The following FBN1 variants were observed in gnomAD, a reference collection of about 807,000 sequenced individuals.
The protein encoded by FBN1 is fibrillin-1.
FBN1 carries 29 observed loss-of-function variants against 365.1 expected under a neutral mutation model. The observed-to-expected ratio is 0.08, with a 90% CI of 0.06 to 0.11. FBN1 has a LOEUF of 0.11. Among genes scored for constraint, FBN1 ranks in the 10% least tolerant of loss-of-function variants. The pLI is 1.00. For synonymous variants in FBN1, 1,210 were observed against 1,270.5 expected (o/e 0.95, Z 1.01); for missense variants, 2,476 against 3,703.2 (o/e 0.67, Z 8.60).
intron 2 of FBN1, chr15:48,643,656 G>T (rs74014662): frequency 0.056 from 8,565 of 152,132 alleles, 528 homozygotes; most frequent in East Asian, 0.29. Flanking sequence ...GCATCAGCGA[G>T]AATGGTAAGA....
intron 4 of FBN1, among the ~76,000 whole-genome samples, chr15:48,603,116 G>T (rs572200741): frequency 1.3e-5 from 2 of 152,112 alleles, no homozygotes; most frequent in African/African-American, 4.8e-5. Flanking sequence ...GGCAAGAATG[G>T]TAAGTTTACA....
chr15:48,410,760 A>G lies in FBN1; in HGVS notation c.*230T>C. On this transcript the variant is annotated 3_prime_UTR_variant, in exon 66 of 66. Coordinates refer to ENST00000316623, the MANE Select transcript of FBN1 (RefSeq NM_000138.5). Reference sequence around the variant, plus strand: ...CGTCCCAGTTTTCAAGAATCAACACATATGACAAGGTAGCTTAGCTACACA... The same window carrying G: ...CGTCCCAGTTTTCAAGAATCAACACGTATGACAAGGTAGCTTAGCTACACA... The G allele has an allele frequency of 1.9e-6, 1 of 523,036 alleles. No homozygotes were observed. Among genetic ancestry groups the G allele is most frequent in the Non-Finnish European group, 3.3e-6 (1 of 298,556 alleles). The allele number at this position is 523,036 out of a possible 1,614,324, so 32.4% of individuals were successfully genotyped here. A position where few individuals can be genotyped will look rare whatever the true frequency, so the allele number is the denominator to read the frequency against.
intron 2 of FBN1, among the ~76,000 whole-genome samples, chr15:48,625,808 C>G (rs1889864742): frequency 6.6e-6 from 1 of 152,158 alleles, no homozygotes; most frequent in African/African-American, 2.4e-5. Flanking sequence ...AGAATTTCAC[C>G]TCTCCTAAAA....
intron 6 of FBN1, among the ~76,000 whole-genome samples, chr15:48,585,883 T>G (rs1413461522): frequency 6.6e-6 from 1 of 152,194 alleles, no homozygotes; most frequent in African/African-American, 2.4e-5. Flanking sequence ...ATAGATGATT[T>G]ATGTTTCACT....
chr15:48,491,762 C>T (rs2043560686), intron 24 of FBN1, among the ~76,000 whole-genome samples: 1 of 152,212 alleles, frequency 6.6e-6, no homozygotes, highest in African/African-American at 2.4e-5. Flanking sequence ...ACTCAGAAAC[C>T]AGTGATCCAA....
At chr15:48,631,367 C>T (rs1307416123) in intron 2 of FBN1, among the ~76,000 whole-genome samples, 5 of 152,164 alleles carry the variant, frequency 3.3e-5, no homozygotes, top group African/African-American at 1.2e-4. Flanking sequence ...TCCCCAATCA[C>T]GCAAGCAAGG....
chr15:48,490,725 G>A (rs1232736892), intron 24 of FBN1, among the ~76,000 whole-genome samples: 1 of 152,224 alleles, frequency 6.6e-6, no homozygotes, highest in East Asian at 1.9e-4. Context: ...ATAAAGAAGA[G>A]CAGAAAGCCT....
At chr15:48,541,416 G>T (rs2044056918) in intron 6 of FBN1, among the ~76,000 whole-genome samples, 1 of 152,178 alleles carries the variant, frequency 6.6e-6, no homozygotes, top group Admixed American at 6.5e-5. Flanking sequence ...AAATGTATTT[G>T]TAGATCCATA....
intron 17 of FBN1, among the ~76,000 whole-genome samples, chr15:48,500,150 A>G (rs1022590497): frequency 1.2e-3 from 183 of 152,244 alleles, no homozygotes; most frequent in South Asian, 8.3e-4. Flanking sequence ...AGGTGTGGGA[A>G]CAAAAAGAAA....
chr15:48,463,356 G>C, intron 41 of FBN1, 116 bp from the exon 42 acceptor site: 1 of 1,053,668 alleles, frequency 9.5e-7, no homozygotes, highest in Non-Finnish European at 1.5e-6. Context: ...ATTGTAGCTT[G>C]ACTTTGATAA....
chr15:48,435,772 ATG>A lies in FBN1; in HGVS notation c.6497-1061_6497-1060del, dbSNP rs374043226. ...TATATGTGTGTATATATATGTGTAT[ATG>A]TGTGTGTGTGTGTGTGTGTGTGTGT... On this transcript the variant is annotated intron_variant, in intron 53 of 65. Transcript: ENST00000316623. Among the ~76,000 whole-genome samples the A allele has an allele frequency of 1.9e-3, 198 of 106,328 alleles. 1 individual carries two copies. Among genetic ancestry groups the A allele is most frequent in the African/African-American group, 3.0e-3 (69 of 23,082 alleles). The allele number at this position is 106,328 out of a possible 152,430, so 69.8% of individuals were successfully genotyped here.
intron 9 of FBN1, among the ~76,000 whole-genome samples, chr15:48,525,119 T>C (rs1304987617): frequency 6.6e-6 from 1 of 151,876 alleles, no homozygotes; most frequent in Non-Finnish European, 1.5e-5. Context: ...TGAAGTCTCG[T>C]TCTATCGCCC....
At chr15:48,586,073 C>G (rs1220173560) in intron 6 of FBN1, among the ~76,000 whole-genome samples, 2 of 152,156 alleles carry the variant, frequency 1.3e-5, no homozygotes, top group Non-Finnish European at 2.9e-5. Context: ...TTCTTTACCT[C>G]TTAGTAAATA....
chr15:48,611,317 G>A (rs902886939), intron 3 of FBN1, among the ~76,000 whole-genome samples: 7 of 152,170 alleles, frequency 4.6e-5, no homozygotes, highest in Admixed American at 2.0e-4. Flanking sequence ...CTGGAGTGCA[G>A]TGGCGCAATC....
chr15:48,413,893 C>G lies in FBN1; in HGVS notation c.8052-1150G>C, dbSNP rs74014539. Among the ~76,000 whole-genome samples the G allele has an allele frequency of 6.4e-3, 982 of 152,268 alleles. 11 individuals are homozygous for G. The highest frequency in any genetic ancestry group is 0.022 in the African/African-American group (933 of 41,550). On this transcript the variant is annotated intron_variant, in intron 64 of 65. Transcript: ENST00000316623. ...GTTCCTACTGTTTCCCCCAATCTTGCCAGAGTCCAATACATTTCCTTTCCT... is the reference window on the plus strand; with the variant it reads ...GTTCCTACTGTTTCCCCCAATCTTGGCAGAGTCCAATACATTTCCTTTCCT...
In FBN1 at chr15:48,526,264, T is replaced by A. The variant is rs774630790; in HGVS notation, c.863-9A>T. 2 of 1,612,902 alleles carry A rather than the reference T, an allele frequency of 1.2e-6. No homozygotes were observed. Among genetic ancestry groups the A allele is most frequent in the South Asian group, 1.1e-5 (1 of 91,034 alleles). The stretch of plus-strand genomic sequence containing the variant: ...GCTGCATTCATCAATATCTGGAATA[T>A]AAAAAAAAGAATCTCAGCATTTGTA... On this transcript the variant is annotated splice_polypyrimidine_tract_variant and intron_variant, in intron 8 of 65. Coordinates refer to ENST00000316623, the MANE Select transcript of FBN1 (RefSeq NM_000138.5).
Position 48,448,762 on chromosome 15 carries a change from A to G in FBN1, c.5671+6T>C. On this transcript the variant is annotated splice_donor_region_variant and intron_variant, in intron 46 of 65. Coordinates refer to ENST00000316623, the MANE Select transcript of FBN1 (RefSeq NM_000138.5). ...ATGAAAAAAATAATAATAATTGCAT[A>G]CTTACCCAAGCACATGGTTTGGTCA... The G allele has an allele frequency of 6.2e-7, 1 of 1,611,766 alleles. No homozygotes were observed. The highest frequency in any genetic ancestry group is 1.1e-5 in the South Asian group (1 of 90,994).
chr15:48,602,575 A>G (rs899117662), intron 4 of FBN1, among the ~76,000 whole-genome samples: 3 of 152,190 alleles, frequency 2.0e-5, no homozygotes, highest in African/African-American at 7.2e-5. Flanking sequence ...ATACAGCCCT[A>G]CTAAGTAGGT....
intron 27 of FBN1, 97 bp from the exon 28 acceptor site, chr15:48,487,534 C>T (rs1026021801): frequency 1.3e-6 from 2 of 1,534,372 alleles, no homozygotes; most frequent in Non-Finnish European, 1.8e-6. Context: ...TCCATCTTGA[C>T]CTCCTTGTCT....
Sources: gnomAD v4.1 joint callset for allele counts (sites outside exome capture counted in the v4.1 genomes callset) on GRCh38, gnomAD v4.1.1 for gene constraint, MANE v1.5 for transcripts, NCBI Gene and HGNC (gene_info 2026-07-23, HGNC 2026-07-21) for gene names.